Variants in ARHGEF38 observed in about 807,000 individuals in gnomAD.
ARHGEF38 encodes Rho guanine nucleotide exchange factor (GEF) 38.
Under a neutral mutation model 79.9 loss-of-function variants are expected in ARHGEF38, and 79 were observed. The observed-to-expected ratio is 0.99, with a 90% confidence interval of 0.82 to 1.19. ARHGEF38 has a LOEUF of 1.19. Ranked by LOEUF, ARHGEF38 falls within the 50% of genes most tolerant of loss-of-function variation. The pLI is 0.00. For synonymous variants in ARHGEF38, 366 were observed against 328.3 expected (o/e 1.11, Z -1.24); for missense variants, 962 against 907.2 (o/e 1.06, Z -0.78).
At chr4:105,597,813 A>T (rs58412572) in intron 2 of ARHGEF38, among the ~76,000 whole-genome samples, 20,402 of 152,008 alleles carry the variant, frequency 0.13, 1,520 homozygotes, top group Middle Eastern at 0.2. Context: ...CTCTGTTTCA[A>T]TTTTTTTTAC....
At chr4:105,585,639 G>C (rs1400153582) in intron 1 of ARHGEF38, among the ~76,000 whole-genome samples, 1 of 147,720 alleles carries the variant, frequency 6.8e-6, no homozygotes, top group African/African-American at 2.5e-5. Context: ...CTTTGGCTTT[G>C]ACATTGTATT....
At chr4:105,671,433 T>C (rs1417994924) in intron 13 of ARHGEF38, among the ~76,000 whole-genome samples, 1 of 152,210 alleles carries the variant, frequency 6.6e-6, no homozygotes, top group Non-Finnish European at 1.5e-5. Flanking sequence ...GTCTTAACTC[T>C]AGCCAATAGA....
At chr4:105,579,859 A>T (rs957434697) in intron 1 of ARHGEF38, among the ~76,000 whole-genome samples, 1 of 152,118 alleles carries the variant, frequency 6.6e-6, no homozygotes, top group African/African-American at 2.4e-5. Context: ...TCCCTCTGGT[A>T]CTGAGCTTCT....
intron 5 of ARHGEF38, among the ~76,000 whole-genome samples, chr4:105,640,880 C>T (rs1395265763): frequency 6.6e-6 from 1 of 152,004 alleles, no homozygotes; most frequent in Non-Finnish European, 1.5e-5. Context: ...TACCTATGTG[C>T]TTATTTCTTT....
chr4:105,624,421 A>G (rs1439168997), intron 3 of ARHGEF38, among the ~76,000 whole-genome samples: 1 of 152,160 alleles, frequency 6.6e-6, no homozygotes, highest in Non-Finnish European at 1.5e-5. Context: ...ATTTCTTAAT[A>G]AAATGGATAC....
At chr4:105,620,578 C>G (rs189308460) in intron 3 of ARHGEF38, among the ~76,000 whole-genome samples, 1 of 152,192 alleles carries the variant, frequency 6.6e-6, no homozygotes, top group Admixed American at 6.5e-5. Flanking sequence ...GTGACTTTTT[C>G]TTAGAGGTCC....
rs897141518 is a variant in ARHGEF38 at position 105,552,650 on chromosome 4, G to C, written c.-116G>C. On this transcript the variant is annotated 5_prime_UTR_variant, in exon 1 of 14. Transcript: ENST00000420470. ...CAGCCAGGTAACCCTGGAGTGAAGC[G>C]GTTTAGTTAGAAGGGAGCAGATAAA... 2.8e-5 allele frequency: 21 copies of C among 760,526 alleles called. No individual in the cohort carries two copies. Among genetic ancestry groups the C allele is most frequent in the Non-Finnish European group, 4.2e-5 (21 of 495,176 alleles). The allele number at this position is 760,526 out of a possible 1,614,324, so 47.1% of individuals were successfully genotyped here.
In ARHGEF38 at chr4:105,654,112, A is replaced by G. The variant is rs17036076; in HGVS notation, c.1056A>G (p.Leu352=). The change falls in exon 8 of 14, where the codon TTA becomes TTG. Residue 352 remains leucine (L), a synonymous_variant. Coordinates refer to ENST00000420470, the MANE Select transcript of ARHGEF38 (RefSeq NM_001242729.2). ...FNREEKLFRA[L]EKTVRLCVKN... ...GAGAAGAAAAGCTGTTTAGAGCTTT[A>G]GAAAAGACTGTGAGGCTTTGTGTGA... 0.056 allele frequency: 84,867 copies of G among 1,521,072 alleles called. 2,633 individuals carry two copies. Among genetic ancestry groups the G allele is most frequent in the Middle Eastern group, 0.088 (521 of 5,930 alleles). The allele number at this position is 1,521,072 out of a possible 1,614,324, so 94.2% of individuals were successfully genotyped here. A position where few individuals can be genotyped will look rare whatever the true frequency, so the allele number is the denominator to read the frequency against.
chr4:105,610,522 A>T (rs1405564948), intron 2 of ARHGEF38, among the ~76,000 whole-genome samples: 6 of 152,080 alleles, frequency 3.9e-5, no homozygotes, highest in Non-Finnish European at 8.8e-5. Flanking sequence ...ATGATTAATA[A>T]ATATAAATAC....
chr4:105,567,616 A>T (rs919656264), intron 1 of ARHGEF38, among the ~76,000 whole-genome samples: 1 of 152,194 alleles, frequency 6.6e-6, no homozygotes, highest in Non-Finnish European at 1.5e-5. Flanking sequence ...GAAAATGTTG[A>T]TTTATCTCAT....
intron 1 of ARHGEF38, among the ~76,000 whole-genome samples, chr4:105,577,057 A>T (rs1453841158): frequency 6.6e-6 from 1 of 151,078 alleles, no homozygotes; most frequent in African/African-American, 2.4e-5. Flanking sequence ...TTCAAAAGAA[A>T]TATTGGTTTG....
rs1367150825 is a variant in ARHGEF38, at chr4:105,679,399, T to C, written c.*1462T>C. The C allele has an allele frequency of 9.6e-6, 14 of 1,460,480 alleles. No homozygotes were observed. The highest frequency in any genetic ancestry group is 2.8e-5 in the African/African-American group (2 of 71,728). 90.5% of individuals were successfully genotyped at this position (1,460,480 alleles called of 1,614,324 possible). A position where few individuals can be genotyped will look rare whatever the true frequency, so the allele number is the denominator to read the frequency against. On this transcript the variant is annotated 3_prime_UTR_variant, in exon 14 of 14. Transcript: ENST00000420470. ...CTGGTAATCTGAGACACTGCATTAC[T>C]ATTCAGCTTTCTAAGTTCTTTCCAA...
chr4:105,600,806 G>C (rs1295025001), intron 2 of ARHGEF38, among the ~76,000 whole-genome samples: 1 of 152,068 alleles, frequency 6.6e-6, no homozygotes, highest in Non-Finnish European at 1.5e-5. Context: ...CTACCTTCCA[G>C]TTGCTCAGGC....
In ARHGEF38 at chr4:105,626,595, T is replaced by C. The variant is rs552711965; in HGVS notation, c.509-4303T>C. ...CTCTTAACTGCAATAACTTTCTGTT[T>C]TAGCCCCTCATTGTTTATTTACCTT... On this transcript the variant is annotated intron_variant, in intron 3 of 13. Transcript: ENST00000420470. Among the ~76,000 whole-genome samples the C allele has an allele frequency of 6.0e-4, 92 of 152,298 alleles. 1 individual carries two copies. Among genetic ancestry groups the C allele is most frequent in the African/African-American group, 2.1e-3 (88 of 41,560 alleles).
chr4:105,662,416 C>T (rs993097014), intron 10 of ARHGEF38, among the ~76,000 whole-genome samples: 2 of 151,894 alleles, frequency 1.3e-5, no homozygotes, highest in East Asian at 3.8e-4. Context: ...AAAATGCAGT[C>T]AGATTTATTA....
In ARHGEF38 at chr4:105,645,298, A is replaced by G; in HGVS notation, c.785A>G (p.His262Arg). The change falls in exon 6 of 14, where the codon CAC becomes CGC. Residue 262 changes from histidine to arginine, a missense_variant. His to Arg is a conservative substitution (Grantham distance 29). Coordinates refer to ENST00000420470, the MANE Select transcript of ARHGEF38 (RefSeq NM_001242729.2). The stretch of plus-strand genomic sequence containing the variant: ...CTTCGGAATTCCACCCCTCCCTCTC[A>G]CCCAGATTACAGAGCACTGGACGAT... ...CELRNSTPPSHPDYRALDDAF... is the reference protein window; with the variant it reads ...CELRNSTPPSRPDYRALDDAF... 1 of 1,536,456 alleles carries G rather than the reference A, an allele frequency of 6.5e-7. No homozygotes were observed. Among genetic ancestry groups the G allele is most frequent in the East Asian group, 2.4e-5 (1 of 40,894 alleles).
chr4:105,583,872 A>G (rs1484500808), intron 1 of ARHGEF38, among the ~76,000 whole-genome samples: 2 of 151,566 alleles, frequency 1.3e-5, no homozygotes, highest in Admixed American at 6.6e-5. Flanking sequence ...TTTTTTTTCT[A>G]TTGATCACCA....
chr4:105,666,674 T>C lies in ARHGEF38; in HGVS notation c.1689+354T>C, dbSNP rs192969535. Reference sequence around the variant, plus strand: ...AGGCATACCAGGCCCCAGAGATAAGTGGGTTTCTCAAAGTCTCTTAGGGCC... The same window carrying C: ...AGGCATACCAGGCCCCAGAGATAAGCGGGTTTCTCAAAGTCTCTTAGGGCC... On this transcript the variant is annotated intron_variant, in intron 11 of 13. Transcript: ENST00000420470. 3.6e-3 allele frequency among the ~76,000 whole-genome samples: 543 copies of C among 152,210 alleles called. 4 individuals are homozygous for C. The highest frequency in any genetic ancestry group is 3.6e-3 in the Non-Finnish European group (242 of 68,004).
In ARHGEF38 at chr4:105,615,181, A is replaced by T. The variant is rs540094068; in HGVS notation, c.508+1674A>T. Reference sequence around the variant, plus strand: ...GACAGATGTAAGCAAGAAATGAGAAATGAACCTGAAAGTGCAGAGTAGGGA... The same window carrying T: ...GACAGATGTAAGCAAGAAATGAGAATTGAACCTGAAAGTGCAGAGTAGGGA... On this transcript the variant is annotated intron_variant, in intron 3 of 13. Transcript: ENST00000420470. 2.0e-5 allele frequency among the ~76,000 whole-genome samples: 3 copies of T among 152,324 alleles called. No homozygotes were observed. The East Asian group carries it at 5.8e-4, about 29-fold the overall frequency.
Sources: gnomAD v4.1 joint callset for allele counts (sites outside exome capture counted in the v4.1 genomes callset) on GRCh38, gnomAD v4.1.1 for gene constraint, MANE v1.5 for transcripts, NCBI Gene and HGNC (gene_info 2026-07-23, HGNC 2026-07-21) for gene names.